HPSE2: variants seen among roughly 807,000 people sequenced by gnomAD.
HPSE2 encodes inactive heparanase-2.
In HPSE2, 38 loss-of-function variants were observed where a neutral mutation model predicts 60.5. The observed-to-expected ratio is 0.63, with a 90% CI of 0.48 to 0.82. The LOEUF (loss-of-function observed/expected upper bound fraction) is 0.82, where lower values mean the gene tolerates loss of function less well. Ranked by LOEUF, HPSE2 falls within the 40% of genes least tolerant of loss-of-function variation. The pLI is 0.00. For missense variants in HPSE2, 713 were observed against 740.4 expected (o/e 0.96, Z 0.43); for synonymous variants, 295 against 293.2 (o/e 1.01, Z -0.06).
chr10:98,484,502 G>A (rs1383131736), intron 10 of HPSE2, among the ~76,000 whole-genome samples: 1 of 152,230 alleles, frequency 6.6e-6, no homozygotes, highest in Non-Finnish European at 1.5e-5. Context: ...CTCCCAAAGG[G>A]CTGGGATTAC....
At chr10:98,486,858 T>G (rs2038114040) in intron 10 of HPSE2, among the ~76,000 whole-genome samples, 1 of 152,196 alleles carries the variant, frequency 6.6e-6, no homozygotes, top group South Asian at 2.1e-4. Flanking sequence ...CCCTGTGTAT[T>G]TTAAGGGAAA....
intron 6 of HPSE2, among the ~76,000 whole-genome samples, chr10:98,646,312 T>C (rs1011737290): frequency 5.2e-5 from 5 of 95,806 alleles, no homozygotes; most frequent in African/African-American, 1.6e-4. Flanking sequence ...GATTTCTTTT[T>C]TTCTTTTTTC....
At chr10:98,965,899 C>A (rs1265819532) in intron 3 of HPSE2, among the ~76,000 whole-genome samples, 1 of 147,722 alleles carries the variant, frequency 6.8e-6, no homozygotes, top group Middle Eastern at 3.3e-3. Flanking sequence ...TTTTTTTTTT[C>A]TTTTTTTTGA....
At chr10:99,295,092 C>T in the HPSE2 span, among the ~76,000 whole-genome samples, 1 of 152,186 alleles carries the variant, frequency 6.6e-6, no homozygotes, top group South Asian at 2.1e-4. Context: ...AAGCTAAATA[C>T]TTATCAGTGG....
chr10:98,825,805 A>G (rs907591730), intron 3 of HPSE2, among the ~76,000 whole-genome samples: 1 of 152,200 alleles, frequency 6.6e-6, no homozygotes, highest in African/African-American at 2.4e-5. Flanking sequence ...GAAGACTTAT[A>G]TACACACACT....
intron 3 of HPSE2, among the ~76,000 whole-genome samples, chr10:98,793,694 T>C (rs1002065743): frequency 1.3e-5 from 2 of 152,246 alleles, no homozygotes; most frequent in South Asian, 4.1e-4. Flanking sequence ...TACTTTTGTC[T>C]GAATAATAAA....
At chr10:99,259,330 G>A in the HPSE2 span, among the ~76,000 whole-genome samples, 15 of 146,094 alleles carry the variant, frequency 1.0e-4, no homozygotes, top group East Asian at 2.4e-3. Context: ...AAAAGACACT[G>A]TTAGGAGGCT....
chr10:99,284,568 C>T, the HPSE2 span, among the ~76,000 whole-genome samples: 1 of 152,128 alleles, frequency 6.6e-6, no homozygotes, highest in African/African-American at 2.4e-5. Context: ...ATTCTCATGA[C>T]TGTGTATTTG....
rs7076284 is a variant in HPSE2, at chr10:98,535,324, G to C, written c.1321-45128C>G. On this transcript the variant is annotated intron_variant, in intron 9 of 11. Transcript: ENST00000370552. Reference sequence around the variant, plus strand: ...GGGGAGAGGCTACATATTTTTGTTTGTTTTTTTTTTAATTCTCTTCCTACC... The same window carrying C: ...GGGGAGAGGCTACATATTTTTGTTTCTTTTTTTTTTAATTCTCTTCCTACC... 5.4e-5 allele frequency among the ~76,000 whole-genome samples: 8 copies of C among 148,046 alleles called. No individual in the cohort carries two copies. The East Asian group carries it at 1.4e-3, about 26-fold the overall frequency.
the HPSE2 span, among the ~76,000 whole-genome samples, chr10:99,301,835 G>T: frequency 6.6e-6 from 1 of 151,612 alleles, no homozygotes; most frequent in Non-Finnish European, 1.5e-5. Context: ...GACACCAATG[G>T]TTAACAGGAG....
intron 3 of HPSE2, among the ~76,000 whole-genome samples, chr10:98,974,015 G>T (rs1051756383): frequency 2.6e-5 from 4 of 152,166 alleles, no homozygotes; most frequent in Non-Finnish European, 4.4e-5. Context: ...TGTAGGCTGG[G>T]CATGGTGGCT....
chr10:98,760,171 AT>A (rs1949973845), intron 3 of HPSE2, among the ~76,000 whole-genome samples: 1 of 152,012 alleles, frequency 6.6e-6, no homozygotes, highest in Non-Finnish European at 1.5e-5. Context: ...AATTCTAACA[AT>A]TTTTTAGTGA....
At chr10:98,724,139 T>C (rs1011340801) in intron 4 of HPSE2, among the ~76,000 whole-genome samples, 20 of 152,112 alleles carry the variant, frequency 1.3e-4, no homozygotes, top group African/African-American at 4.1e-4. Flanking sequence ...GCTTTGAATG[T>C]GTCCCAGAGA....
intron 9 of HPSE2, among the ~76,000 whole-genome samples, chr10:98,544,515 C>A (rs1342937488): frequency 1.3e-5 from 2 of 151,666 alleles, no homozygotes; most frequent in African/African-American, 4.8e-5. Context: ...TCGAGACCAT[C>A]CTGGCTAACA....
At chr10:99,266,730 C>T in the HPSE2 span, among the ~76,000 whole-genome samples, 1 of 152,138 alleles carries the variant, frequency 6.6e-6, no homozygotes, top group African/African-American at 2.4e-5. Flanking sequence ...CAACTAAAAA[C>T]CCTGACAGAG....
intron 3 of HPSE2, among the ~76,000 whole-genome samples, chr10:98,852,817 T>C (rs1314345536): frequency 6.6e-6 from 1 of 152,192 alleles, no homozygotes. Context: ...AAACAACGTA[T>C]AAACTAAAGG....
chr10:99,001,042 A>G (rs1956766607), intron 3 of HPSE2, among the ~76,000 whole-genome samples: 1 of 152,078 alleles, frequency 6.6e-6, no homozygotes, highest in Non-Finnish European at 1.5e-5. Context: ...TGAATTTATA[A>G]AACTAATGTT....
chr10:99,114,871 G>A (rs1342103727), intron 3 of HPSE2, among the ~76,000 whole-genome samples: 6 of 140,308 alleles, frequency 4.3e-5, no homozygotes, highest in South Asian at 2.2e-4. Context: ...CCAAGATGGC[G>A]CCACTGCACT....
intron 3 of HPSE2, among the ~76,000 whole-genome samples, chr10:99,120,856 G>A (rs558749438): frequency 6.6e-6 from 1 of 152,296 alleles, no homozygotes; most frequent in East Asian, 1.9e-4. Context: ...TACACCATGG[G>A]TGAGAGTGTA....
Sources: allele counts gnomAD v4.1 joint callset (sites outside exome capture counted in the v4.1 genomes callset), GRCh38; gene constraint gnomAD v4.1.1; transcripts MANE v1.5; gene names NCBI Gene and HGNC (gene_info 2026-07-23, HGNC 2026-07-21).